Variants in GALNT13 observed in about 807,000 individuals in gnomAD.
The protein encoded by GALNT13 is polypeptide N-acetylgalactosaminyltransferase 13.
In GALNT13, 28 loss-of-function variants were observed where a neutral mutation model predicts 64.2. The observed-to-expected ratio is 0.44, with a 90% CI of 0.32 to 0.60. The LOEUF (loss-of-function observed/expected upper bound fraction) is 0.60, where lower values mean the gene tolerates loss of function less well. GALNT13 is among the 20% of genes least tolerant of loss of function. GALNT13 has a pLI of 0.05. For missense variants in GALNT13, 577 were observed against 669.8 expected (o/e 0.86, Z 1.53); for synonymous variants, 214 against 224.6 (o/e 0.95, Z 0.42).
chr2:154,247,735 G>C (rs1245178362), intron 7 of GALNT13, among the ~76,000 whole-genome samples: 5 of 151,996 alleles, frequency 3.3e-5, no homozygotes, highest in Non-Finnish European at 7.4e-5. Context: ...AGTAATATGA[G>C]ATCTGATAAA....
intron 2 of GALNT13, among the ~76,000 whole-genome samples, chr2:153,936,281 G>A (rs578156947): frequency 6.6e-6 from 1 of 152,152 alleles, no homozygotes; most frequent in Non-Finnish European, 1.5e-5. Context: ...ATGACTTAAG[G>A]ACTACAGGAA....
chr2:153,307,789 C>G, the GALNT13 span, among the ~76,000 whole-genome samples: 1 of 151,852 alleles, frequency 6.6e-6, no homozygotes, highest in Admixed American at 6.6e-5. Context: ...CAAGCTTTAC[C>G]ACTTTGAAAA....
At chr2:154,143,123 G>A (rs566616708) in intron 4 of GALNT13, among the ~76,000 whole-genome samples, 17 of 152,190 alleles carry the variant, frequency 1.1e-4, no homozygotes, top group Non-Finnish European at 1.3e-4. Context: ...ATTTCAAGAC[G>A]AAACTGTTCT....
chr2:154,058,780 A>C (rs1313116517), intron 3 of GALNT13, among the ~76,000 whole-genome samples: 1 of 152,124 alleles, frequency 6.6e-6, no homozygotes, highest in African/African-American at 2.4e-5. Context: ...GGAGTGAGGT[A>C]CCTCAGGGCC....
At chr2:154,238,819 A>C (rs1689329801) in intron 4 of GALNT13, among the ~76,000 whole-genome samples, 1 of 152,024 alleles carries the variant, frequency 6.6e-6, no homozygotes, top group African/African-American at 2.4e-5. Flanking sequence ...GCCAGCTCAC[A>C]TCTTTATGAT....
chr2:154,261,298 C>T (rs1690681681), intron 8 of GALNT13, among the ~76,000 whole-genome samples: 1 of 152,088 alleles, frequency 6.6e-6, no homozygotes, highest in Admixed American at 6.6e-5. Flanking sequence ...TATTTTAAAA[C>T]AATATCAAGT....
At chr2:153,199,057 C>T in the GALNT13 span, among the ~76,000 whole-genome samples, 1 of 152,160 alleles carries the variant, frequency 6.6e-6, no homozygotes. Context: ...CTCAGACTTT[C>T]AAGTCTGTAA....
chr2:153,875,965 G>T (rs1686339316), intron 1 of GALNT13, among the ~76,000 whole-genome samples: 1 of 152,030 alleles, frequency 6.6e-6, no homozygotes, highest in Admixed American at 6.6e-5. Context: ...CCTGTCAGAA[G>T]GAACATGTAG....
chr2:154,141,731 A>C (rs1467708633), intron 4 of GALNT13, among the ~76,000 whole-genome samples: 1 of 152,212 alleles, frequency 6.6e-6, no homozygotes, highest in East Asian at 1.9e-4. Context: ...CTCATTGTCT[A>C]TATGACTCTT....
chr2:153,982,907 G>C (rs1291165153), intron 3 of GALNT13, among the ~76,000 whole-genome samples: 1 of 151,916 alleles, frequency 6.6e-6, no homozygotes, highest in Non-Finnish European at 1.5e-5. Flanking sequence ...GGATATTTAA[G>C]TTACCGGGTA....
the GALNT13 span, among the ~76,000 whole-genome samples, chr2:153,436,333 C>T: frequency 6.6e-6 from 1 of 152,268 alleles, no homozygotes; most frequent in African/African-American, 2.4e-5. Context: ...CAGGATGATG[C>T]TGGCCTCATA....
At chr2:153,920,654 C>G (rs1402233045) in intron 2 of GALNT13, among the ~76,000 whole-genome samples, 3 of 152,106 alleles carry the variant, frequency 2.0e-5, no homozygotes, top group African/African-American at 7.2e-5. Context: ...AACTAAAGAA[C>G]TTCTGCAAAC....
chr2:154,350,413 G>A (rs1002006752), intron 9 of GALNT13, among the ~76,000 whole-genome samples: 2 of 152,182 alleles, frequency 1.3e-5, no homozygotes, highest in African/African-American at 4.8e-5. Context: ...GCCCTCCAAT[G>A]TTGGACTCCA....
chr2:153,642,956 T>G, the GALNT13 span, among the ~76,000 whole-genome samples: 12 of 151,746 alleles, frequency 7.9e-5, no homozygotes, highest in African/African-American at 2.9e-4. Flanking sequence ...AAATAATTGA[T>G]GTATCAAGAC....
the GALNT13 span, among the ~76,000 whole-genome samples, chr2:153,721,472 A>G: frequency 1.3e-5 from 2 of 150,534 alleles, no homozygotes; most frequent in African/African-American, 5.0e-5. Context: ...TATTAACTTT[A>G]AATATAAATG....
chr2:153,210,581 A>G, the GALNT13 span, among the ~76,000 whole-genome samples: 2 of 152,206 alleles, frequency 1.3e-5, no homozygotes, highest in Admixed American at 6.5e-5. Flanking sequence ...TTTTGTACCT[A>G]CATTCGTCAC....
chr2:153,159,589 A>T, the GALNT13 span: 1 of 152,772 alleles, frequency 6.5e-6, no homozygotes, highest in Non-Finnish European at 1.5e-5. Flanking sequence ...AGCACATGAT[A>T]AACTGGGTGG....
chr2:153,293,915 C>G, the GALNT13 span, among the ~76,000 whole-genome samples: 1 of 152,004 alleles, frequency 6.6e-6, no homozygotes, highest in African/African-American at 2.4e-5. Context: ...CTCCCAGGCT[C>G]AAACAATCCT....
chr2:154,337,331 TA>T lies in GALNT13; in HGVS notation c.1156+35743del, dbSNP rs886986956. Among the ~76,000 whole-genome samples the T allele has an allele frequency of 5.3e-5, 8 of 152,244 alleles. 1 individual carries two copies. The South Asian group carries it at 1.0e-3, about 20-fold the overall frequency. The stretch of plus-strand genomic sequence containing the variant: ...AAGTACTTATGAATGATAATTGCTT[TA>T]TTGGTAAATTATGATGAGGAAGGAA... On this transcript the variant is annotated intron_variant, in intron 9 of 12. Transcript: ENST00000392825.
Sources: allele counts gnomAD v4.1 joint callset (sites outside exome capture counted in the v4.1 genomes callset), GRCh38; gene constraint gnomAD v4.1.1; transcripts MANE v1.5; gene names NCBI Gene and HGNC (gene_info 2026-07-23, HGNC 2026-07-21).